Variants in ACTL8 observed in about 807,000 individuals in gnomAD.
ACTL8 encodes the protein actin-like protein 8.
A neutral mutation model predicts 9.3 loss-of-function variants in ACTL8; 3 were observed. That is an observed-to-expected ratio of 0.32 (90% CI 0.15 to 0.83). ACTL8 has a LOEUF of 0.83. Among genes scored for constraint, ACTL8 ranks in the 40% least tolerant of loss-of-function variants. The probability of loss-of-function intolerance (pLI) is 0.57; values close to 1 mark genes in which losing one functional copy is unlikely to be tolerated. For missense variants in ACTL8, 381 were observed against 492.2 expected, an observed-to-expected ratio of 0.77 and a Z score of 2.14; for synonymous variants, 224 against 205.9, an observed-to-expected ratio of 1.09 and a Z score of -0.75.
At chr1:17,812,001 A>G (rs377600028) in intron 1 of ACTL8, among the ~76,000 whole-genome samples, 14 of 146,550 alleles carry the variant, frequency 9.6e-5, no homozygotes, top group African/African-American at 3.0e-4. Context: ...GGTGCATGCC[A>G]CTGAACCTGG....
chr1:17,820,674 T>C (rs1024664517), intron 1 of ACTL8, among the ~76,000 whole-genome samples: 1 of 151,622 alleles, frequency 6.6e-6, no homozygotes, highest in Non-Finnish European at 1.5e-5. Context: ...TTCAAGGGAA[T>C]CTCCTCCCTC....
At chr1:17,801,626 G>C (rs2066323331) in intron 1 of ACTL8, among the ~76,000 whole-genome samples, 1 of 151,836 alleles carries the variant, frequency 6.6e-6, no homozygotes, top group African/African-American at 2.4e-5. Flanking sequence ...TGATATAAAA[G>C]ATTAAAAATA....
chr1:17,823,203 C>T lies in ACTL8; in HGVS notation c.195C>T (p.Tyr65=), dbSNP rs1484915983. 1 of 1,614,228 alleles carries T rather than the reference C, an allele frequency of 6.2e-7. No individual in the cohort carries two copies. Among genetic ancestry groups the T allele is most frequent in the East Asian group, 2.2e-5 (1 of 44,870 alleles). The change falls in exon 2 of 3, where the codon TAC becomes TAT. Residue 65 remains tyrosine, a synonymous_variant. Transcript: ENST00000375406. The surrounding 1 kb of genome is among the most constrained non-coding windows in gnomAD (Gnocchi z 5.3). ...IDICHPDTFS[Y]PIERGRILNW... Reference sequence around the variant, plus strand: ...TTTGCCATCCTGACACCTTTAGCTACCCCATCGAGCGGGGCCGCATCCTCA... The same window carrying T: ...TTTGCCATCCTGACACCTTTAGCTATCCCATCGAGCGGGGCCGCATCCTCA...
At chr1:17,818,909 T>G (rs1023036790) in intron 1 of ACTL8, among the ~76,000 whole-genome samples, 2 of 152,250 alleles carry the variant, frequency 1.3e-5, no homozygotes, top group Non-Finnish European at 2.9e-5. Context: ...CCTAGGTAGA[T>G]GCTAATGGGG....
rs1404370448 is a variant in ACTL8 at position 17,786,453 on chromosome 1, CTGTT to C, written c.-25+30953_-25+30956del. Among the ~76,000 whole-genome samples the C allele has an allele frequency of 3.3e-5, 5 of 152,286 alleles. No homozygotes were observed. The South Asian group carries it at 8.3e-4, about 25-fold the overall frequency. On this transcript the variant is annotated intron_variant, in intron 1 of 2. Transcript: ENST00000375406. ...ACAATGCATTTTGACCATCAGATGT[CTGTT>C]TGTCTTGTGGTTCTAGGCTGTGTTC...
At position 17,823,266 on chromosome 1, in the gene ACTL8, G is replaced by A; in HGVS notation, c.258G>A (p.Leu86=). The change falls in exon 2 of 3, where the codon TTG becomes TTA. Residue 86 remains leucine, a synonymous_variant. Coordinates refer to ENST00000375406, the MANE Select transcript of ACTL8 (RefSeq NM_030812.3). This position sits in a 1 kb window ranked among gnomAD's most constrained non-coding sequence, Gnocchi z 5.3. ...TGCAGTACCTCTGGTCATTTGTGTTGGAGAACCACAGACGGGAGCAAGAGG... is the reference window on the plus strand; with the variant it reads ...TGCAGTACCTCTGGTCATTTGTGTTAGAGAACCACAGACGGGAGCAAGAGG... ...EGVQYLWSFV[L]ENHRREQEVP... 1 of 1,614,126 alleles carries A rather than the reference G, an allele frequency of 6.2e-7. No individual in the cohort carries two copies. The highest frequency in any genetic ancestry group is 1.7e-5 in the Admixed American group (1 of 60,022).
intron 1 of ACTL8, among the ~76,000 whole-genome samples, chr1:17,773,311 C>T (rs990724126): frequency 3.9e-5 from 6 of 152,200 alleles, no homozygotes; most frequent in African/African-American, 1.4e-4. Flanking sequence ...CAGCTCCTGG[C>T]TCACCGATCG....
chr1:17,811,870 CTTT>C (rs200104295), intron 1 of ACTL8, among the ~76,000 whole-genome samples: 2 of 139,490 alleles, frequency 1.4e-5, no homozygotes. Flanking sequence ...GGTTTTCTGT[CTTT>C]TTTTTTTTTT....
At chr1:17,757,348 C>T (rs2065975233) in intron 1 of ACTL8, among the ~76,000 whole-genome samples, 3 of 152,018 alleles carry the variant, frequency 2.0e-5, no homozygotes, top group Admixed American at 1.3e-4. Context: ...ATTATGACAA[C>T]AGTTGGAATC....
intron 1 of ACTL8, among the ~76,000 whole-genome samples, chr1:17,778,338 T>C (rs989391073): frequency 3.3e-5 from 5 of 151,856 alleles, no homozygotes; most frequent in Admixed American, 6.6e-5. Context: ...TTTCCTAAGC[T>C]GTAGGCCAGG....
In ACTL8 at chr1:17,813,069, G is replaced by GA. The variant is rs201222266; in HGVS notation, c.-24-9915dup. Reference sequence around the variant, plus strand: ...TAGATTCTTTGGCATTTTCTACTTAGACAATTATGTCTTCTGCAAATAGGG... The same window carrying GA: ...TAGATTCTTTGGCATTTTCTACTTAGAACAATTATGTCTTCTGCAAATAGGG... On this transcript the variant is annotated intron_variant, in intron 1 of 2. Coordinates refer to ENST00000375406, the MANE Select transcript of ACTL8 (RefSeq NM_030812.3). 7.6e-3 allele frequency among the ~76,000 whole-genome samples: 1,160 copies of GA among 152,154 alleles called. 15 individuals carry two copies. The highest frequency in any genetic ancestry group is 0.027 in the African/African-American group (1,118 of 41,526).
intron 2 of ACTL8, among the ~76,000 whole-genome samples, chr1:17,824,115 G>C (rs1476799915): frequency 7.2e-6 from 1 of 138,512 alleles, no homozygotes; most frequent in East Asian, 2.0e-4. Flanking sequence ...GATTTCAGCA[G>C]CAAGAGCGGC....
At chr1:17,768,594 C>T (rs1048627020) in intron 1 of ACTL8, among the ~76,000 whole-genome samples, 14 of 152,174 alleles carry the variant, frequency 9.2e-5, no homozygotes, top group African/African-American at 3.1e-4. Context: ...TTCCTCTGAG[C>T]CAGTGAACGG....
At chr1:17,764,856 C>G (rs1005985015) in intron 1 of ACTL8, among the ~76,000 whole-genome samples, 2 of 152,248 alleles carry the variant, frequency 1.3e-5, no homozygotes, top group African/African-American at 4.8e-5. Flanking sequence ...CATTTAGCCT[C>G]CCTTGGAGAT....
chr1:17,774,402 A>G (rs534890532), intron 1 of ACTL8, among the ~76,000 whole-genome samples: 2 of 151,920 alleles, frequency 1.3e-5, no homozygotes, highest in East Asian at 3.9e-4. Flanking sequence ...TATCAGCCCC[A>G]CGTGGAGCTT....
intron 2 of ACTL8, among the ~76,000 whole-genome samples, chr1:17,825,098 T>G: frequency 8.5e-6 from 1 of 117,054 alleles, no homozygotes; most frequent in African/African-American, 3.2e-5. Context: ...TTTGTAAAGA[T>G]TCAGGGGGTG....
chr1:17,793,741 G>A (rs912384467), intron 1 of ACTL8, among the ~76,000 whole-genome samples: 3 of 152,118 alleles, frequency 2.0e-5, no homozygotes, highest in African/African-American at 7.2e-5. Flanking sequence ...TTCTGCTGTG[G>A]TGGCACCTCC....
chr1:17,821,520 C>G (rs1188842335), intron 1 of ACTL8, among the ~76,000 whole-genome samples: 2 of 152,106 alleles, frequency 1.3e-5, no homozygotes, highest in African/African-American at 4.8e-5. Context: ...AAAGACTGTC[C>G]TTTCTCCATT....
intron 1 of ACTL8, among the ~76,000 whole-genome samples, chr1:17,761,547 G>A (rs2066005878): frequency 6.6e-6 from 1 of 151,904 alleles, no homozygotes; most frequent in South Asian, 2.1e-4. Flanking sequence ...GGGAAGGCAG[G>A]CTTTTGGGTA....
Sources: gnomAD v4.1 joint callset for allele counts (sites outside exome capture counted in the v4.1 genomes callset) on GRCh38, gnomAD v4.1.1 for gene constraint, Gnocchi (gnomAD v3.1) non-coding constraint, MANE v1.5 for transcripts, NCBI Gene and HGNC (gene_info 2026-07-23, HGNC 2026-07-21) for gene names.